The following TJP1 variants were observed in gnomAD, a reference collection of about 807,000 sequenced individuals.
The protein encoded by TJP1 is tight junction protein 1, also known as tight junction protein ZO-1.
TJP1 carries 43 observed loss-of-function variants against 194.2 expected under a neutral mutation model. The observed-to-expected ratio is 0.22, with a 90% confidence interval of 0.17 to 0.29. The LOEUF (loss-of-function observed/expected upper bound fraction) is 0.29. Among genes scored for constraint, TJP1 ranks in the 10% least tolerant of loss-of-function variants. TJP1 has a pLI of 1.00. For missense variants in TJP1, 1,971 were observed against 2,185.7 expected (o/e 0.90, Z 1.96); for synonymous variants, 801 against 779.0 (o/e 1.03, Z -0.47).
intron 2 of TJP1, among the ~76,000 whole-genome samples, chr15:29,787,044 CAT>C (rs1346908704): frequency 1.3e-5 from 2 of 152,254 alleles, no homozygotes; most frequent in African/African-American, 4.8e-5. Context: ...TCTTAGATTA[CAT>C]GTTTGCTTCA....
At chr15:29,744,329 G>C (rs116584078) in intron 8 of TJP1, among the ~76,000 whole-genome samples, 1 of 152,120 alleles carries the variant, frequency 6.6e-6, no homozygotes, top group Non-Finnish European at 1.5e-5. Context: ...AACAAAAAAT[G>C]TAACTAGGTC....
At chr15:29,837,204 A>C (rs2051065098) in intron 2 of TJP1, among the ~76,000 whole-genome samples, 1 of 152,238 alleles carries the variant, frequency 6.6e-6, no homozygotes, top group Non-Finnish European at 1.5e-5. Flanking sequence ...TAATAGTAGA[A>C]CAAATTAAGC....
At chr15:29,816,746 C>T (rs1346128742) in intron 1 of TJP1, among the ~76,000 whole-genome samples, 1 of 152,178 alleles carries the variant, frequency 6.6e-6, no homozygotes, top group East Asian at 1.9e-4. Context: ...CCATTTTCTG[C>T]AGCTCTTAAG....
In TJP1 at chr15:29,718,640, G is replaced by A. The variant is rs757806753; in HGVS notation, c.3502C>T (p.His1168Tyr). ...TGGGCTTCCGGTCTGAGTCTACCATGTGTGTCATACCCAGGAGCTGGCTGC... is the reference window on the plus strand; with the variant it reads ...TGGGCTTCCGGTCTGAGTCTACCATATGTGTCATACCCAGGAGCTGGCTGC... ...EEQPAPGYDT[H>Y]GRLRPEAQPH... Residue 1168 changes from histidine to tyrosine, a missense_variant, in exon 21 of 28, where the codon CAT becomes TAT. Coordinates refer to ENST00000614355, the MANE Select transcript of TJP1 (RefSeq NM_001330239.4). 3.1e-6 allele frequency: 5 copies of A among 1,614,164 alleles called. No individual in the cohort carries two copies. The highest frequency in any genetic ancestry group is 4.2e-6 in the Non-Finnish European group (5 of 1,180,032).
rs1285678613 is a variant in TJP1 at position 29,833,880 on chromosome 15, TA to T, written c.307-33179del. Among the ~76,000 whole-genome samples, 73 of 20,954 alleles carry T rather than the reference TA, an allele frequency of 3.5e-3. 3 individuals are homozygous for T. The highest frequency in any genetic ancestry group is 1.0e-2 in the African/African-American group (45 of 4,518). The allele number at this position is 20,954 out of a possible 152,430, so 13.7% of individuals were successfully genotyped here. A position where few individuals can be genotyped will look rare whatever the true frequency, so the allele number is the denominator to read the frequency against. The stretch of plus-strand genomic sequence containing the variant: ...AAGTATATATATATATATATATATA[TA>T]TTTTTTTTTTTTTTTTTTTTGAGAC... On this transcript the variant is annotated intron_variant, in intron 2 of 28. Coordinates refer to the TJP1 transcript ENST00000356107.
At chr15:29,942,399 C>T (rs1170765879) in intron 2 of TJP1, among the ~76,000 whole-genome samples, 2 of 152,186 alleles carry the variant, frequency 1.3e-5, no homozygotes, top group Non-Finnish European at 2.9e-5. Context: ...AGCCTTTGTA[C>T]TTACAACCAT....
chr15:29,890,073 T>C (rs1200259173), intron 2 of TJP1, among the ~76,000 whole-genome samples: 1 of 152,192 alleles, frequency 6.6e-6, no homozygotes, highest in Non-Finnish European at 1.5e-5. Context: ...GATTCAGATC[T>C]GGCTGTCAAT....
intron 22 of TJP1, among the ~76,000 whole-genome samples, chr15:29,717,435 T>C (rs982197264): frequency 6.6e-6 from 1 of 152,244 alleles, no homozygotes; most frequent in Non-Finnish European, 1.5e-5. Context: ...ATCTAATCTG[T>C]CACTTATTGG....
At chr15:29,732,197 T>G (rs1393616343) in intron 15 of TJP1, 1 of 525,690 alleles carries the variant, frequency 1.9e-6, no homozygotes, top group Non-Finnish European at 3.4e-6. Flanking sequence ...ACATTGTATG[T>G]TATGCAATTT....
Position 29,786,225 on chromosome 15 carries a change from C to A in TJP1, c.85-12868G>T, listed in dbSNP as rs551660566. On this transcript the variant is annotated intron_variant, in intron 2 of 27. Coordinates refer to ENST00000614355, the MANE Select transcript of TJP1 (RefSeq NM_001330239.4). ...CTTCCTGTTTATTCTTACTCTCATTCTTTTAGTTCTGATACCCAAATCATA... is the reference window on the plus strand; with the variant it reads ...CTTCCTGTTTATTCTTACTCTCATTATTTTAGTTCTGATACCCAAATCATA... Among the ~76,000 whole-genome samples, 26 of 152,230 alleles carry A rather than the reference C, an allele frequency of 1.7e-4. 1 individual carries two copies. The highest frequency in any genetic ancestry group is 6.0e-4 in the African/African-American group (25 of 41,550).
At position 29,761,608 on chromosome 15, in the gene TJP1, C is replaced by T; in HGVS notation, c.855G>A (p.Glu285=). 2.5e-6 allele frequency: 4 copies of T among 1,597,010 alleles called. No homozygotes were observed. Among genetic ancestry groups the T allele is most frequent in the Non-Finnish European group, 3.4e-6 (4 of 1,166,654 alleles). The change falls in exon 7 of 28, where the codon GAG becomes GAA. Residue 285 remains glutamate, a synonymous_variant. Coordinates refer to ENST00000614355, the MANE Select transcript of TJP1 (RefSeq NM_001330239.4). ...SDSIHSANAS[E]RDDISEIQSL... is the part of the protein sequence containing the mutation. ...AAACAGAATCACACTCACCGTCTCT[C>T]TCAGAGGCATTAGCAGAGTGGATGC...
At chr15:29,841,480 A>T (rs961191506) in intron 2 of TJP1, among the ~76,000 whole-genome samples, 4 of 152,234 alleles carry the variant, frequency 2.6e-5, no homozygotes, top group African/African-American at 9.6e-5. Context: ...TTGGAGATAC[A>T]GTATAAGCAA....
intron 18 of TJP1, 132 bp from the exon 19 acceptor site, chr15:29,720,840 AG>A: frequency 1.4e-6 from 1 of 720,394 alleles, no homozygotes; most frequent in Non-Finnish European, 2.2e-6. Context: ...ACTTCTGGTA[AG>A]GAAAAGTCAA....
intron 5 of TJP1, among the ~76,000 whole-genome samples, chr15:29,765,141 C>T (rs537727529): frequency 4.4e-4 from 67 of 152,182 alleles, no homozygotes; most frequent in African/African-American, 1.4e-3. Flanking sequence ...TGAAATGATA[C>T]TGAAAAGGCA....
At chr15:29,842,454 C>T (rs1239987524) in intron 2 of TJP1, among the ~76,000 whole-genome samples, 4 of 151,792 alleles carry the variant, frequency 2.6e-5, no homozygotes, top group South Asian at 2.1e-4. Context: ...CATCCCCCAC[C>T]GCAGGTGCAC....
chr15:29,785,645 T>C (rs906510661), intron 2 of TJP1, among the ~76,000 whole-genome samples: 11 of 152,248 alleles, frequency 7.2e-5, no homozygotes, highest in African/African-American at 2.7e-4. Flanking sequence ...CATTTTTCCA[T>C]ATTAGGCTTG....
chr15:29,831,380 G>C (rs2050832973), intron 2 of TJP1, among the ~76,000 whole-genome samples: 1 of 152,146 alleles, frequency 6.6e-6, no homozygotes, highest in Middle Eastern at 3.2e-3. Flanking sequence ...TCCCATGTGA[G>C]GCAATTGGAA....
At chr15:29,807,717 T>C (rs954793938) in intron 1 of TJP1, among the ~76,000 whole-genome samples, 1 of 152,072 alleles carries the variant, frequency 6.6e-6, no homozygotes, top group African/African-American at 2.4e-5. Flanking sequence ...ATATTACAGA[T>C]GGAGAATGTA....
rs148268141 is a variant in TJP1, at chr15:29,829,882, G to T, written c.307-29180C>A. ...TACACATCTGTAAAAAGAAACACTGGAAGGAAAACTAAGAACAAGTAATAA... is the reference window on the plus strand; with the variant it reads ...TACACATCTGTAAAAAGAAACACTGTAAGGAAAACTAAGAACAAGTAATAA... On this transcript the variant is annotated intron_variant, in intron 2 of 28. Coordinates refer to the TJP1 transcript ENST00000356107. 5.3e-4 allele frequency among the ~76,000 whole-genome samples: 80 copies of T among 151,946 alleles called. 4 individuals carry two copies. Among genetic ancestry groups the T allele is most frequent in the African/African-American group, 1.9e-3 (78 of 41,490 alleles).
Sources: gnomAD v4.1 joint callset for allele counts (sites outside exome capture counted in the v4.1 genomes callset) on GRCh38, gnomAD v4.1.1 for gene constraint, MANE v1.5 for transcripts, NCBI Gene and HGNC (gene_info 2026-07-23, HGNC 2026-07-21) for gene names.